Variants in FHIP1A observed in about 807,000 individuals in gnomAD.
FHIP1A encodes FHF complex subunit HOOK-interacting protein 1A.
Under a neutral mutation model 88.6 loss-of-function variants are expected in FHIP1A, and 61 were observed. The observed-to-expected ratio is 0.69, with a 90% CI of 0.56 to 0.85. The LOEUF (loss-of-function observed/expected upper bound fraction) is 0.85. Ranked by LOEUF, FHIP1A falls within the 40% of genes least tolerant of loss-of-function variation. The pLI is 0.00. For synonymous variants in FHIP1A, 478 were observed against 496.0 expected, an observed-to-expected ratio of 0.96 and a Z score of 0.48; for missense variants, 1,154 against 1,273.5, an observed-to-expected ratio of 0.91 and a Z score of 1.43.
intron 7 of FHIP1A, 22 bp from the exon 8 acceptor site, chr4:151,629,680 C>T (rs1285155480): frequency 6.5e-7 from 1 of 1,548,528 alleles, no homozygotes; most frequent in Admixed American, 2.0e-5. Flanking sequence ...CTCACCTGTG[C>T]TCACTCCGTT....
At chr4:151,592,654 G>A (rs909602686) in intron 7 of FHIP1A, among the ~76,000 whole-genome samples, 1 of 152,082 alleles carries the variant, frequency 6.6e-6, no homozygotes, top group Non-Finnish European at 1.5e-5. Context: ...TGTAGATTCT[G>A]GATATTAGCC....
chr4:151,528,799 G>A (rs1347526445), intron 3 of FHIP1A, among the ~76,000 whole-genome samples: 1 of 152,152 alleles, frequency 6.6e-6, no homozygotes, highest in East Asian at 1.9e-4. Flanking sequence ...ATTTGGCTTT[G>A]TTTCAGTCTT....
At position 151,665,909 on chromosome 4, in the gene FHIP1A, ATG is replaced by A. The variant is rs1737647658; in HGVS notation, c.*3157_*3158del. 6.6e-6 allele frequency among the ~76,000 whole-genome samples: 1 copy of A among 152,228 alleles called. No homozygotes were observed. The highest frequency in any genetic ancestry group is 2.4e-5 in the African/African-American group (1 of 41,454). The stretch of plus-strand genomic sequence containing the variant: ...AGTCGCTGTGCTCCTTGCTGGAAGA[ATG>A]TAGGGGAAGAGAAACCGTGGGTACC... On this transcript the variant is annotated 3_prime_UTR_variant, in exon 14 of 14. Coordinates refer to ENST00000435205, the MANE Select transcript of FHIP1A (RefSeq NM_001109977.3).
chr4:151,414,299 C>T (rs990426563), intron 1 of FHIP1A, among the ~76,000 whole-genome samples: 7 of 151,742 alleles, frequency 4.6e-5, no homozygotes, highest in Non-Finnish European at 8.8e-5. Flanking sequence ...GTGATCTGCC[C>T]GCCTCGGCCT....
intron 3 of FHIP1A, among the ~76,000 whole-genome samples, chr4:151,533,431 CA>C (rs1731954756): frequency 1.3e-5 from 2 of 151,758 alleles, no homozygotes; most frequent in East Asian, 1.9e-4. Context: ...AACAAACAAA[CA>C]AACAAACAAA....
In FHIP1A at chr4:151,656,696, T is replaced by C; in HGVS notation, c.2731-64T>C. 6.7e-7 allele frequency: 1 copy of C among 1,492,756 alleles called. No individual in the cohort carries two copies. The highest frequency in any genetic ancestry group is 1.3e-5 in the South Asian group (1 of 76,866). 92.5% of individuals were successfully genotyped at this position (1,492,756 alleles called of 1,614,324 possible). On this transcript the variant is annotated intron_variant, in intron 12 of 13. Transcript: ENST00000435205. The surrounding 1 kb of genome is among the most constrained non-coding windows in gnomAD (Gnocchi z 4.2). ...TAATGAGGGTGCTACCTGCAAGATATATTGATAACTGGGAGTGGAATTTCA... is the reference window on the plus strand; with the variant it reads ...TAATGAGGGTGCTACCTGCAAGATACATTGATAACTGGGAGTGGAATTTCA...
At chr4:151,613,841 G>A (rs1449715786) in intron 7 of FHIP1A, among the ~76,000 whole-genome samples, 2 of 152,176 alleles carry the variant, frequency 1.3e-5, no homozygotes. Context: ...AACTTGGGTT[G>A]AGAACCACTG....
chr4:151,621,843 A>C (rs1192228234), intron 7 of FHIP1A, among the ~76,000 whole-genome samples: 2 of 152,018 alleles, frequency 1.3e-5, no homozygotes, highest in Non-Finnish European at 2.9e-5. Flanking sequence ...CCATAATTGA[A>C]GAGCATGGAA....
intron 3 of FHIP1A, among the ~76,000 whole-genome samples, chr4:151,483,176 A>G (rs1729960001): frequency 6.6e-6 from 1 of 152,120 alleles, no homozygotes; most frequent in Non-Finnish European, 1.5e-5. Flanking sequence ...ATAAATGTTG[A>G]TATTCTTTCT....
chr4:151,647,018 T>C (rs996865786), intron 10 of FHIP1A, among the ~76,000 whole-genome samples: 3 of 152,152 alleles, frequency 2.0e-5, no homozygotes, highest in African/African-American at 4.8e-5. Context: ...TGTGAAAACG[T>C]GTGCTAGCAT....
intron 3 of FHIP1A, among the ~76,000 whole-genome samples, chr4:151,549,925 TCTC>T (rs1486443816): frequency 1.3e-5 from 2 of 152,150 alleles, no homozygotes; most frequent in Admixed American, 6.5e-5. Context: ...GGGGAAAATT[TCTC>T]CTTCCTTCTC....
chr4:151,577,317 A>G (rs928708484), intron 4 of FHIP1A, 133 bp from the exon 5 acceptor site: 6 of 742,386 alleles, frequency 8.1e-6, no homozygotes, highest in African/African-American at 7.1e-5. Flanking sequence ...ACACACACAC[A>G]CACAATGCCC....
intron 7 of FHIP1A, among the ~76,000 whole-genome samples, chr4:151,611,500 G>A (rs986052782): frequency 1.3e-5 from 2 of 152,092 alleles, no homozygotes; most frequent in African/African-American, 4.8e-5. Context: ...TTTCTGTACT[G>A]TTTTTCATTT....
rs575918493 is a variant in FHIP1A, at chr4:151,601,932, G to A, written c.978+13006G>A. Among the ~76,000 whole-genome samples, 25 of 152,116 alleles carry A rather than the reference G, an allele frequency of 1.6e-4. No individual in the cohort carries two copies. The South Asian group carries it at 5.2e-3, about 32-fold the overall frequency. ...CAATCATGGTGGAAGGCAAGCAGGAGCAAGTTACATCTTACATGGATGGCG... is the reference window on the plus strand; with the variant it reads ...CAATCATGGTGGAAGGCAAGCAGGAACAAGTTACATCTTACATGGATGGCG... On this transcript the variant is annotated intron_variant, in intron 7 of 13. Transcript: ENST00000435205.
chr4:151,529,939 A>G lies in FHIP1A; in HGVS notation c.-122-36199A>G, dbSNP rs184236510. On this transcript the variant is annotated intron_variant, in intron 3 of 13. Coordinates refer to ENST00000435205, the MANE Select transcript of FHIP1A (RefSeq NM_001109977.3). ...GCCATATTGAAACTTCACGAACAGT[A>G]CTGGCCCTTTCTTATTCTTGGAGAG... Among the ~76,000 whole-genome samples the G allele has an allele frequency of 1.5e-3, 221 of 152,316 alleles. No individual in the cohort carries two copies. In the Middle Eastern group the frequency reaches 0.017, roughly 12 times the overall value.
chr4:151,570,214 C>G (rs1467044912), intron 4 of FHIP1A, among the ~76,000 whole-genome samples: 1 of 152,108 alleles, frequency 6.6e-6, no homozygotes, highest in Non-Finnish European at 1.5e-5. Flanking sequence ...TCCTAGCCAC[C>G]CCCTCTCCTG....
At chr4:151,525,588 G>T (rs1246347524) in intron 3 of FHIP1A, among the ~76,000 whole-genome samples, 1 of 152,164 alleles carries the variant, frequency 6.6e-6, no homozygotes, top group African/African-American at 2.4e-5. Flanking sequence ...TTCTAAAGAG[G>T]TGTTTGCCAT....
At chr4:151,464,873 C>T (rs1729256184) in intron 2 of FHIP1A, among the ~76,000 whole-genome samples, 1 of 114,818 alleles carries the variant, frequency 8.7e-6, no homozygotes, top group Admixed American at 8.3e-5. Context: ...AGTGTGGTCC[C>T]CTGACTAGCA....
chr4:151,543,795 T>A (rs952378995), intron 3 of FHIP1A, among the ~76,000 whole-genome samples: 1 of 151,892 alleles, frequency 6.6e-6, no homozygotes, highest in African/African-American at 2.4e-5. Flanking sequence ...ACATATTGTT[T>A]CCTTCTAATT....
Sources: allele counts gnomAD v4.1 joint callset (sites outside exome capture counted in the v4.1 genomes callset), GRCh38; gene constraint gnomAD v4.1.1; non-coding constraint Gnocchi (gnomAD v3.1); transcripts MANE v1.5; gene names NCBI Gene and HGNC (gene_info 2026-07-23, HGNC 2026-07-21).